Variants in TCF7L1 observed in about 807,000 individuals in gnomAD.
The protein encoded by TCF7L1 is transcription factor 7-like 1.
Under a neutral mutation model 63.7 loss-of-function variants are expected in TCF7L1, and 18 were observed. That is an observed-to-expected ratio of 0.28 (90% CI 0.20 to 0.42). The LOEUF (loss-of-function observed/expected upper bound fraction) is 0.42. Ranked by LOEUF, TCF7L1 falls within the 10% of genes least tolerant of loss-of-function variation. The probability of loss-of-function intolerance (pLI) is 1.00; values close to 1 mark genes in which losing one functional copy is unlikely to be tolerated. For synonymous variants in TCF7L1, 355 were observed against 340.9 expected, an observed-to-expected ratio of 1.04 and a Z score of -0.46; for missense variants, 654 against 779.3, an observed-to-expected ratio of 0.84 and a Z score of 1.91.
At chr2:85,148,791 T>G (rs1677937573) in intron 3 of TCF7L1, among the ~76,000 whole-genome samples, 1 of 148,342 alleles carries the variant, frequency 6.7e-6, no homozygotes, top group Non-Finnish European at 1.5e-5. Context: ...TTTTTTTTTT[T>G]GAGACGGAGT....
intron 3 of TCF7L1, among the ~76,000 whole-genome samples, chr2:85,135,046 C>T (rs1267449312): frequency 6.6e-6 from 1 of 152,166 alleles, no homozygotes; most frequent in African/African-American, 2.4e-5. Flanking sequence ...AGGAACTTGG[C>T]TTTTTCCCCC....
intron 4 of TCF7L1, among the ~76,000 whole-genome samples, chr2:85,289,668 A>G (rs1223051620): frequency 1.3e-5 from 2 of 152,270 alleles, no homozygotes; most frequent in East Asian, 3.9e-4. Context: ...ATAGACATAG[A>G]TGGTTTCCAG....
At chr2:85,263,560 G>A (rs1483903982) in intron 3 of TCF7L1, among the ~76,000 whole-genome samples, 4 of 152,198 alleles carry the variant, frequency 2.6e-5, no homozygotes, top group Admixed American at 1.3e-4. Flanking sequence ...CAGGGTGACC[G>A]CATGTCCTGG....
At chr2:85,294,099 C>T (rs1681791425) in intron 4 of TCF7L1, among the ~76,000 whole-genome samples, 2 of 136,844 alleles carry the variant, frequency 1.5e-5, no homozygotes, top group Non-Finnish European at 3.0e-5. Context: ...TGCAGTGGCA[C>T]GATCTTGGCT....
At chr2:85,194,760 C>A (rs1216718807) in intron 3 of TCF7L1, among the ~76,000 whole-genome samples, 1 of 152,124 alleles carries the variant, frequency 6.6e-6, no homozygotes, top group African/African-American at 2.4e-5. Flanking sequence ...CAGGAGGAAA[C>A]CCCTGGCATG....
At chr2:85,281,809 C>A (rs1251885953) in intron 3 of TCF7L1, among the ~76,000 whole-genome samples, 1 of 152,160 alleles carries the variant, frequency 6.6e-6, no homozygotes, top group Non-Finnish European at 1.5e-5. Context: ...TGCCCATGGA[C>A]ACCTTTTTGA....
intron 7 of TCF7L1, among the ~76,000 whole-genome samples, chr2:85,305,059 G>T (rs1682075312): frequency 6.6e-6 from 1 of 152,074 alleles, no homozygotes; most frequent in Non-Finnish European, 1.5e-5. Context: ...GGCAGCCTGG[G>T]TGTTGGTGGG....
At chr2:85,291,844 T>C (rs1479598335) in intron 4 of TCF7L1, among the ~76,000 whole-genome samples, 1 of 152,018 alleles carries the variant, frequency 6.6e-6, no homozygotes, top group South Asian at 2.1e-4. Context: ...TAGCTAGGAC[T>C]ACAGGTGTGC....
At chr2:85,197,312 G>A (rs1679181093) in intron 3 of TCF7L1, among the ~76,000 whole-genome samples, 1 of 152,170 alleles carries the variant, frequency 6.6e-6, no homozygotes. Context: ...TTGGGAGGCT[G>A]AGGCAGGAGA....
At position 85,159,418 on chromosome 2, in the gene TCF7L1, T is replaced by C. The variant is rs547504227; in HGVS notation, c.441+24968T>C. On this transcript the variant is annotated intron_variant, in intron 3 of 11. Coordinates refer to ENST00000282111, the MANE Select transcript of TCF7L1 (RefSeq NM_031283.3). ...TCAGGGACCAGTTGTGCAGGCACTGTCCTCTTTTGGCCTTTCTTCCGGCCT... is the reference window on the plus strand; with the variant it reads ...TCAGGGACCAGTTGTGCAGGCACTGCCCTCTTTTGGCCTTTCTTCCGGCCT... Among the ~76,000 whole-genome samples, 3 of 152,346 alleles carry C rather than the reference T, an allele frequency of 2.0e-5. No individual in the cohort carries two copies. The South Asian group carries it at 6.2e-4, about 32-fold the overall frequency.
At chr2:85,168,495 G>C (rs1678472543) in intron 3 of TCF7L1, among the ~76,000 whole-genome samples, 1 of 152,172 alleles carries the variant, frequency 6.6e-6, no homozygotes, top group African/African-American at 2.4e-5. Flanking sequence ...GGTGGTGTGG[G>C]GGTGTCGGGG....
intron 3 of TCF7L1, among the ~76,000 whole-genome samples, chr2:85,215,431 C>T (rs1423116572): frequency 1.3e-5 from 2 of 152,226 alleles, no homozygotes; most frequent in East Asian, 1.9e-4. Flanking sequence ...TCCCACACAA[C>T]GCAACTTTTC....
intron 4 of TCF7L1, among the ~76,000 whole-genome samples, chr2:85,292,358 A>G (rs961801185): frequency 1.3e-5 from 2 of 152,040 alleles, no homozygotes; most frequent in South Asian, 2.1e-4. Context: ...GAACATTTCA[A>G]TGGTAGCTGC....
intron 4 of TCF7L1, among the ~76,000 whole-genome samples, chr2:85,291,750 T>G (rs1291534060): frequency 6.6e-6 from 1 of 152,180 alleles, no homozygotes; most frequent in Non-Finnish European, 1.5e-5. Flanking sequence ...GATCTCACTC[T>G]GTCACCTAGG....
intron 3 of TCF7L1, among the ~76,000 whole-genome samples, chr2:85,259,067 C>A (rs1009170502): frequency 1.1e-4 from 16 of 152,192 alleles, no homozygotes; most frequent in Non-Finnish European, 2.4e-4. Context: ...GGGACAGAAG[C>A]CCTGTCCTCC....
chr2:85,194,128 G>C (rs1323176067), intron 3 of TCF7L1, among the ~76,000 whole-genome samples: 1 of 152,016 alleles, frequency 6.6e-6, no homozygotes, highest in African/African-American at 2.4e-5. Context: ...GAGAAGGGGG[G>C]AATAAACTGA....
At chr2:85,177,008 A>C (rs1302490765) in intron 3 of TCF7L1, among the ~76,000 whole-genome samples, 2 of 150,756 alleles carry the variant, frequency 1.3e-5, no homozygotes. Context: ...AAAAAAAAAA[A>C]ATCCAACCAC....
chr2:85,268,183 CA>C (rs1358586166), intron 3 of TCF7L1, among the ~76,000 whole-genome samples: 1 of 152,170 alleles, frequency 6.6e-6, no homozygotes, highest in African/African-American at 2.4e-5. Context: ...CGGACTTTCC[CA>C]TTCCCTCTAT....
rs1434102693 is a variant in TCF7L1 at position 85,133,884 on chromosome 2, C to T, written c.200C>T (p.Ser67Leu). Reference protein sequence around the residue: ...SAQRDLDEVKSSLVNESENQS... With the variant: ...SAQRDLDEVKLSLVNESENQS... ...CAGCGGGACCTAGACGAGGTCAAGTCGTCCCTGGTCAACGAGTCGGAGAAC... is the reference window on the plus strand; with the variant it reads ...CAGCGGGACCTAGACGAGGTCAAGTTGTCCCTGGTCAACGAGTCGGAGAAC... Residue 67 changes from serine (S) to leucine (L), a missense_variant, in exon 1 of 12, where the codon TCG becomes TTG. By Grantham distance (145) the Ser-to-Leu change is moderately radical. Transcript: ENST00000282111. The surrounding 1 kb of genome is among the most constrained non-coding windows in gnomAD (Gnocchi z 4.4). 12 of 1,519,170 alleles carry T rather than the reference C, an allele frequency of 7.9e-6. No individual in the cohort carries two copies. The highest frequency in any genetic ancestry group is 9.7e-6 in the Non-Finnish European group (11 of 1,131,342). The allele number at this position is 1,519,170 out of a possible 1,614,324, so 94.1% of individuals were successfully genotyped here.
Sources: allele counts gnomAD v4.1 joint callset (sites outside exome capture counted in the v4.1 genomes callset), GRCh38; gene constraint gnomAD v4.1.1; non-coding constraint Gnocchi (gnomAD v3.1); transcripts MANE v1.5; gene names NCBI Gene and HGNC (gene_info 2026-07-23, HGNC 2026-07-21).